The following DIPK1A variants were observed in gnomAD, a reference collection of about 807,000 sequenced individuals.
The protein encoded by DIPK1A is divergent protein kinase domain 1A, also known as family with sequence similarity 69 member A.
A neutral mutation model predicts 40.8 loss-of-function variants in DIPK1A; 27 were observed. The observed-to-expected ratio is 0.66, with a 90% CI of 0.49 to 0.91. The LOEUF (loss-of-function observed/expected upper bound fraction) is 0.91. Among genes scored for constraint, DIPK1A ranks in the 40% least tolerant of loss-of-function variants. The pLI is 0.00. For missense variants in DIPK1A, 412 were observed against 505.7 expected (o/e 0.81, Z 1.78); for synonymous variants, 166 against 171.3 (o/e 0.97, Z 0.24).
intron 2 of DIPK1A, among the ~76,000 whole-genome samples, chr1:92,875,757 G>T (rs1490881794): frequency 6.6e-6 from 1 of 150,826 alleles, no homozygotes; most frequent in African/African-American, 2.4e-5. Flanking sequence ...GGAAAAAAAG[G>T]AGTTAAATTT....
chr1:92,858,586 T>A (rs549671357), intron 2 of DIPK1A, among the ~76,000 whole-genome samples: 1 of 152,220 alleles, frequency 6.6e-6, no homozygotes, highest in East Asian at 1.9e-4. Flanking sequence ...TTTTTTTTTT[T>A]AAAGCACAAA....
intron 1 of DIPK1A, among the ~76,000 whole-genome samples, chr1:92,880,434 GT>G (rs1482307156): frequency 2.2e-4 from 33 of 152,112 alleles, no homozygotes; most frequent in Admixed American, 2.0e-4. Flanking sequence ...AATAGTAATA[GT>G]TTTTCTTCTT....
At chr1:92,930,028 G>A (rs561895378) in intron 1 of DIPK1A, among the ~76,000 whole-genome samples, 26 of 152,336 alleles carry the variant, frequency 1.7e-4, no homozygotes, top group African/African-American at 6.0e-4. Flanking sequence ...ACTGTGGCCA[G>A]TAGAATGCTA....
intron 1 of DIPK1A, among the ~76,000 whole-genome samples, chr1:92,891,564 T>C (rs12736491): frequency 6.6e-6 from 1 of 152,188 alleles, no homozygotes; most frequent in Non-Finnish European, 1.5e-5. Context: ...AGCTCCAGTC[T>C]ACAGCTCCCA....
intron 2 of DIPK1A, among the ~76,000 whole-genome samples, chr1:92,858,051 T>C (rs1688045222): frequency 6.6e-6 from 1 of 152,120 alleles, no homozygotes; most frequent in South Asian, 2.1e-4. Context: ...TGACGCATAA[T>C]CAAATACAGA....
chr1:92,909,668 G>C (rs1490520356), intron 1 of DIPK1A, among the ~76,000 whole-genome samples: 1 of 152,186 alleles, frequency 6.6e-6, no homozygotes, highest in Non-Finnish European at 1.5e-5. Context: ...AAGATGTTCT[G>C]ATTATTGGCC....
chr1:92,951,559 G>A (rs1292507872), intron 1 of DIPK1A, among the ~76,000 whole-genome samples: 3 of 152,188 alleles, frequency 2.0e-5, no homozygotes, highest in African/African-American at 4.8e-5. Context: ...TGAGATCAGG[G>A]TACAAACAAA....
chr1:92,835,283 G>C (rs1179367854), intron 4 of DIPK1A: 4 of 348,250 alleles, frequency 1.1e-5, no homozygotes, highest in Non-Finnish European at 2.2e-5. Context: ...ATGCAGACTC[G>C]TGGGAACTCC....
At chr1:92,845,333 C>CT (rs1307964883) in intron 4 of DIPK1A, among the ~76,000 whole-genome samples, 1 of 105,540 alleles carries the variant, frequency 9.5e-6, no homozygotes, top group Non-Finnish European at 1.8e-5. Flanking sequence ...AACTGCTATG[C>CT]TTTTTTTCCC....
chr1:92,917,178 T>G (rs917708945), intron 1 of DIPK1A, among the ~76,000 whole-genome samples: 2 of 152,230 alleles, frequency 1.3e-5, no homozygotes, highest in African/African-American at 2.4e-5. Flanking sequence ...CTTCCCCCTA[T>G]GTTGACTTTA....
At chr1:92,887,772 G>A (rs541335875) in intron 1 of DIPK1A, among the ~76,000 whole-genome samples, 4 of 152,114 alleles carry the variant, frequency 2.6e-5, no homozygotes, top group South Asian at 4.1e-4. Context: ...GGGACTATTC[G>A]TCATTTTACA....
intron 4 of DIPK1A, chr1:92,836,257 A>G (rs1347839108): frequency 6.2e-7 from 1 of 1,613,942 alleles, no homozygotes; most frequent in Non-Finnish European, 8.5e-7. Flanking sequence ...GATGAATACA[A>G]TGTGGAAAGC....
chr1:92,949,696 A>C (rs1050729625), intron 1 of DIPK1A, among the ~76,000 whole-genome samples: 11 of 152,186 alleles, frequency 7.2e-5, no homozygotes, highest in African/African-American at 2.4e-4. Context: ...CAAAAATATA[A>C]ATGGTTAAAG....
rs1033607113 is a variant in DIPK1A, at chr1:92,842,205, G to C, written c.*1178C>G. On this transcript the variant is annotated 3_prime_UTR_variant, in exon 5 of 5. Coordinates refer to ENST00000370310, the MANE Select transcript of DIPK1A (RefSeq NM_001006605.5). Reference sequence around the variant, plus strand: ...CATTTATTATAACCAGATGATGAATGGGAAAAGTACCTTAAAGTAAACAAA... The same window carrying C: ...CATTTATTATAACCAGATGATGAATCGGAAAAGTACCTTAAAGTAAACAAA... 9.9e-7 allele frequency: 1 copy of C among 1,006,024 alleles called. No homozygotes were observed. Among genetic ancestry groups the C allele is most frequent in the African/African-American group, 1.7e-5 (1 of 57,702 alleles). 62.3% of individuals were successfully genotyped at this position (1,006,024 alleles called of 1,614,324 possible).
At chr1:92,954,465 A>G (rs1651765654) in intron 1 of DIPK1A, among the ~76,000 whole-genome samples, 1 of 138,388 alleles carries the variant, frequency 7.2e-6, no homozygotes, top group Non-Finnish European at 1.5e-5. Flanking sequence ...GCAACCTCCA[A>G]CTCCCGGGTT....
intron 2 of DIPK1A, among the ~76,000 whole-genome samples, chr1:92,861,602 C>T (rs542132300): frequency 8.9e-4 from 135 of 151,790 alleles, no homozygotes; most frequent in African/African-American, 3.1e-3. Context: ...GCTGGGATTA[C>T]AGGCGTGAGC....
intron 1 of DIPK1A, among the ~76,000 whole-genome samples, chr1:92,939,443 G>C (rs1651068177): frequency 6.6e-6 from 1 of 152,064 alleles, no homozygotes; most frequent in African/African-American, 2.4e-5. Flanking sequence ...TTTCTTAATA[G>C]AGCAGTCAGC....
Position 92,842,766 on chromosome 1 carries a change from T to G in DIPK1A, c.*617A>C. On this transcript the variant is annotated 3_prime_UTR_variant, in exon 5 of 5. Transcript: ENST00000370310. ...ATCCATTTTTAGTCAATAAAATTGG[T>G]GTACTGTCAAGTATAAGATTTCTTG... The G allele has an allele frequency of 1.0e-6, 1 of 985,264 alleles. No individual in the cohort carries two copies. The highest frequency in any genetic ancestry group is 1.1e-4 in the East Asian group (1 of 8,816). 61.0% of individuals were successfully genotyped at this position (985,264 alleles called of 1,614,324 possible).
At chr1:92,952,882 G>A (rs1651689396) in intron 1 of DIPK1A, among the ~76,000 whole-genome samples, 1 of 152,056 alleles carries the variant, frequency 6.6e-6, no homozygotes, top group Admixed American at 6.6e-5. Flanking sequence ...GGGACAGGGA[G>A]TAAAACTTGT....
Sources: gnomAD v4.1 joint callset for allele counts (sites outside exome capture counted in the v4.1 genomes callset) on GRCh38, gnomAD v4.1.1 for gene constraint, MANE v1.5 for transcripts, NCBI Gene and HGNC (gene_info 2026-07-23, HGNC 2026-07-21) for gene names.